GOLGA3: variants seen among roughly 807,000 people sequenced by gnomAD.
GOLGA3 encodes golgin subfamily A member 3.
In GOLGA3, 75 loss-of-function variants were observed where a neutral mutation model predicts 169.4. The ratio of observed to expected loss-of-function variants is 0.44; its 90% CI spans 0.37 to 0.54. GOLGA3 has a LOEUF of 0.54. Ranked by LOEUF, GOLGA3 falls within the 20% of genes least tolerant of loss-of-function variation. The pLI is 0.00. For synonymous variants in GOLGA3, 824 were observed against 822.4 expected, an observed-to-expected ratio of 1.00 and a Z score of -0.03; for missense variants, 1,899 against 1,930.0, an observed-to-expected ratio of 0.98 and a Z score of 0.30.
At chr12:132,785,707 A>G (rs2045861949) in intron 15 of GOLGA3, among the ~76,000 whole-genome samples, 1 of 152,224 alleles carries the variant, frequency 6.6e-6, no homozygotes, top group Admixed American at 6.5e-5. Flanking sequence ...ACCACATATA[A>G]GAAGAAATAC....
rs754604767 is a variant in GOLGA3 at position 132,798,292 on chromosome 12, G to A, written c.1938+48C>T. Reference sequence around the variant, plus strand: ...GTAAGAAAACACACATGGTATCGATGTCTGCGTCTGTTCTCCTAAGCTTCC... The same window carrying A: ...GTAAGAAAACACACATGGTATCGATATCTGCGTCTGTTCTCCTAAGCTTCC... On this transcript the variant is annotated intron_variant, in intron 9 of 23. Coordinates refer to ENST00000450791, the MANE Select transcript of GOLGA3 (RefSeq NM_001389683.1). 14 of 1,546,614 alleles carry A rather than the reference G, an allele frequency of 9.1e-6. No homozygotes were observed. The South Asian group carries it at 1.2e-4, about 13-fold the overall frequency.
In GOLGA3 at chr12:132,808,314, T is replaced by G; in HGVS notation, c.755A>C (p.Glu252Ala). The G allele has an allele frequency of 6.2e-7, 1 of 1,614,154 alleles. No homozygotes were observed. Among genetic ancestry groups the G allele is most frequent in the Non-Finnish European group, 8.5e-7 (1 of 1,180,020 alleles). Residue 252 changes from glutamate to alanine, a missense_variant, in exon 5 of 24, where the codon GAA becomes GCA. Physicochemically the swap from Glu to Ala is moderately radical, Grantham distance 107. Coordinates refer to ENST00000450791, the MANE Select transcript of GOLGA3 (RefSeq NM_001389683.1). ...CCCAGAATTCCCCGCATTTGAATCT[T>G]CAGTTCTGTAATCGGCCAGAGACCG... ...KIRSLADYRT[E>A]DSNAGNSGGN...
chr12:132,827,718 A>G (rs1222132780), intron 1 of GOLGA3: 1 of 152,160 alleles, frequency 6.6e-6, no homozygotes, highest in Non-Finnish European at 1.5e-5. Context: ...TACTGCCTGA[A>G]AAGATATTAA....
intron 11 of GOLGA3, 43 bp from the exon 12 acceptor site, chr12:132,791,336 G>A (rs780137099): frequency 8.9e-6 from 10 of 1,120,990 alleles, no homozygotes; most frequent in Admixed American, 1.8e-5. Flanking sequence ...ACGGCTCCAG[G>A]AGGGGAATCT....
chr12:132,825,201 G>A (rs906348325), intron 1 of GOLGA3, among the ~76,000 whole-genome samples: 13 of 151,870 alleles, frequency 8.6e-5, no homozygotes, highest in Non-Finnish European at 1.9e-4. Flanking sequence ...GTGTGCCTAC[G>A]CGTGCAGACC....
intron 10 of GOLGA3, 129 bp from the exon 11 acceptor site, chr12:132,796,349 G>T: frequency 1.6e-6 from 2 of 1,253,714 alleles, no homozygotes; most frequent in Non-Finnish European, 2.2e-6. Context: ...CACAATCCTG[G>T]TATAGAAGAA....
rs866467183 is a variant in GOLGA3, at chr12:132,782,457, G to A, written c.3304C>T (p.Arg1102Cys). The A allele has an allele frequency of 5.0e-6, 8 of 1,613,924 alleles. No individual in the cohort carries two copies. Among genetic ancestry groups the A allele is most frequent in the Non-Finnish European group, 6.8e-6 (8 of 1,179,894 alleles). ...AACTTCTTGTTTGACTCCTCAAGGC[G>A]TTTTATCTTCTTCCTAAAGCCTCTG... ...ESRGFRKKIK[R>C]LEESNKKLAL... is the part of the protein sequence containing the mutation. Residue 1102 changes from arginine (R) to cysteine (C), a missense_variant, in exon 17 of 24, where the codon CGC (arginine) becomes TGC (cysteine). Transcript: ENST00000450791.
intron 2 of GOLGA3, among the ~76,000 whole-genome samples, chr12:132,821,650 C>G (rs562097672): frequency 1.3e-5 from 2 of 151,762 alleles, no homozygotes; most frequent in Admixed American, 6.6e-5. Flanking sequence ...GTCAGGAGAT[C>G]GAGACCATCT....
chr12:132,773,172 G>A lies in GOLGA3; in HGVS notation c.4430C>T (p.Ala1477Val), dbSNP rs1167972532. ...TASPVPPGGH[A>V]GPRGDPQRHS... ...TCTCTGTGGGTCGCCGCGTGGGCCG[G>A]CGTGACCCCCCGGGGGCACAGGGCT... Residue 1477 changes from alanine to valine, a missense_variant, in exon 24 of 24, where the codon GCC (alanine) becomes GTC (valine). Ala to Val is a moderately conservative substitution (Grantham distance 64). Coordinates refer to ENST00000450791, the MANE Select transcript of GOLGA3 (RefSeq NM_001389683.1). 6.3e-7 allele frequency: 1 copy of A among 1,585,984 alleles called. No individual in the cohort carries two copies. The highest frequency in any genetic ancestry group is 1.8e-5 in the Admixed American group (1 of 56,492).
At chr12:132,790,896 A>G (rs2046189930) in intron 12 of GOLGA3, among the ~76,000 whole-genome samples, 1 of 151,618 alleles carries the variant, frequency 6.6e-6, no homozygotes, top group Admixed American at 6.6e-5. Context: ...TACAAAAAAC[A>G]AAAAATTAGC....
In GOLGA3 at chr12:132,822,018, A is replaced by G. The variant is rs1950243122; in HGVS notation, c.111T>C (p.Pro37=). 6.2e-7 allele frequency: 1 copy of G among 1,608,626 alleles called. No individual in the cohort carries two copies. The change falls in exon 2 of 24, where the codon CCT becomes CCC. Residue 37 remains proline, a synonymous_variant. Coordinates refer to ENST00000450791, the MANE Select transcript of GOLGA3 (RefSeq NM_001389683.1). ...TACACTGGACTTTGTCCTGCTGGTCAGGTGGCACCAGTGGGCCCGGGGGCT... is the reference window on the plus strand; with the variant it reads ...TACACTGGACTTTGTCCTGCTGGTCGGGTGGCACCAGTGGGCCCGGGGGCT... ...PLKPPGPLVP[P]DQQDKVQCAE...
At chr12:132,800,946 G>A (rs1949102438) in intron 8 of GOLGA3, among the ~76,000 whole-genome samples, 1 of 152,124 alleles carries the variant, frequency 6.6e-6, no homozygotes, top group Non-Finnish European at 1.5e-5. Flanking sequence ...GTGACGGAGT[G>A]AGACACAGTC....
At chr12:132,809,966 C>T (rs535085873) in intron 4 of GOLGA3, among the ~76,000 whole-genome samples, 22 of 152,112 alleles carry the variant, frequency 1.4e-4, no homozygotes, top group Admixed American at 3.9e-4. Flanking sequence ...TCTTCAAGGC[C>T]GGGCGTGGTG....
At chr12:132,798,944 C>T (rs1367283813) in intron 8 of GOLGA3, among the ~76,000 whole-genome samples, 7 of 152,218 alleles carry the variant, frequency 4.6e-5, no homozygotes, top group Non-Finnish European at 8.8e-5. Context: ...CGGCCCAGAC[C>T]TCCAGGTGCT....
intron 3 of GOLGA3, among the ~76,000 whole-genome samples, chr12:132,813,662 T>C (rs912759043): frequency 6.6e-6 from 1 of 151,182 alleles, no homozygotes; most frequent in Non-Finnish European, 1.5e-5. Context: ...TGTGATCCCA[T>C]GATGAGTACA....
chr12:132,779,103 G>A (rs1175802739), intron 18 of GOLGA3, among the ~76,000 whole-genome samples: 4 of 151,590 alleles, frequency 2.6e-5, no homozygotes, highest in African/African-American at 4.8e-5. Flanking sequence ...TTTTTGAGAC[G>A]GAGTTTCCCA....
At position 132,786,464 on chromosome 12, in the gene GOLGA3, C is replaced by G; in HGVS notation, c.2998G>C (p.Glu1000Gln). ...CGGCTGAGGATGCCCACGGCGTTCTCGTAGGCCTTATGTTTGGTCTTCATC... is the reference window on the plus strand; with the variant it reads ...CGGCTGAGGATGCCCACGGCGTTCTGGTAGGCCTTATGTTTGGTCTTCATC... ...KEMKTKHKAY[E>Q]NAVGILSRRL... The change falls in exon 15 of 24, where the codon GAG (glutamate) becomes CAG (glutamine). Residue 1000 changes from glutamate to glutamine, a missense_variant. Transcript: ENST00000450791. 1 of 1,613,762 alleles carries G rather than the reference C, an allele frequency of 6.2e-7. No individual in the cohort carries two copies. Among genetic ancestry groups the G allele is most frequent in the Non-Finnish European group, 8.5e-7 (1 of 1,179,962 alleles).
At chr12:132,801,027 T>C (rs1949104987) in intron 8 of GOLGA3, among the ~76,000 whole-genome samples, 1 of 152,232 alleles carries the variant, frequency 6.6e-6, no homozygotes, top group Admixed American at 6.5e-5. Context: ...GAGGTCATCC[T>C]AATTAGTCTA....
At chr12:132,782,181 G>T in intron 17 of GOLGA3, 115 bp downstream of exon 17, 1 of 977,206 alleles carries the variant, frequency 1.0e-6, no homozygotes, top group Non-Finnish European at 1.6e-6. Context: ...TCGGCTGCAG[G>T]CCGGGTGGGC....
Sources: allele counts gnomAD v4.1 joint callset (sites outside exome capture counted in the v4.1 genomes callset), GRCh38; gene constraint gnomAD v4.1.1; transcripts MANE v1.5; gene names NCBI Gene and HGNC (gene_info 2026-07-23, HGNC 2026-07-21).